Variants in COLGALT2 observed in about 807,000 individuals in gnomAD.
The protein encoded by COLGALT2 is procollagen galactosyltransferase 2.
Under a neutral mutation model 73.4 loss-of-function variants are expected in COLGALT2, and 49 were observed. That is an observed-to-expected ratio of 0.67 (90% CI 0.53 to 0.85). The LOEUF (loss-of-function observed/expected upper bound fraction) is 0.85, where lower values mean the gene tolerates loss of function less well. COLGALT2 is among the 40% of genes least tolerant of loss of function. The pLI, the probability that COLGALT2 is intolerant of heterozygous loss-of-function variation, is 0.00. For synonymous variants in COLGALT2, 295 were observed against 307.6 expected, an observed-to-expected ratio of 0.96 and a Z score of 0.43; for missense variants, 722 against 790.2, an observed-to-expected ratio of 0.91 and a Z score of 1.03.
At chr1:183,976,237 T>C (rs1428706696) in intron 2 of COLGALT2, among the ~76,000 whole-genome samples, 1 of 152,030 alleles carries the variant, frequency 6.6e-6, no homozygotes, top group African/African-American at 2.4e-5. Context: ...CCAAACTCCA[T>C]TATAAGGCAC....
At chr1:183,972,420 T>C (rs7530464) in intron 4 of COLGALT2, among the ~76,000 whole-genome samples, 73,325 of 152,050 alleles carry the variant, frequency 0.48, 21,122 homozygotes, top group African/African-American at 0.8. Context: ...CATATTTTGC[T>C]TAGCACATTT....
intron 1 of COLGALT2, among the ~76,000 whole-genome samples, chr1:183,980,062 C>T (rs141203426): frequency 1.7e-4 from 26 of 151,824 alleles, no homozygotes; most frequent in African/African-American, 6.3e-4. Flanking sequence ...TTCAGAACTT[C>T]CAAAAATTAA....
chr1:183,951,784 C>A (rs1400789415), intron 7 of COLGALT2, among the ~76,000 whole-genome samples: 2 of 152,122 alleles, frequency 1.3e-5, no homozygotes, highest in African/African-American at 2.4e-5. Flanking sequence ...ATGTGATAAA[C>A]AGATTCAGTG....
intron 1 of COLGALT2, among the ~76,000 whole-genome samples, chr1:183,980,414 A>C (rs1671317987): frequency 6.6e-6 from 1 of 152,100 alleles, no homozygotes; most frequent in South Asian, 2.1e-4. Flanking sequence ...TTGAAAGAAA[A>C]ATTTTAAAAA....
chr1:183,976,095 C>A (rs926003165), intron 2 of COLGALT2, among the ~76,000 whole-genome samples: 9 of 152,050 alleles, frequency 5.9e-5, no homozygotes, highest in South Asian at 2.1e-4. Flanking sequence ...ATATTCCCCC[C>A]AAAAATGCCT....
rs1572625740 is a variant in COLGALT2, at chr1:183,939,053, T to C, written c.1605-16A>G. 1 of 1,599,758 alleles carries C rather than the reference T, an allele frequency of 6.3e-7. No individual in the cohort carries two copies. The highest frequency in any genetic ancestry group is 8.6e-7 in the Non-Finnish European group (1 of 1,168,302). Reference sequence around the variant, plus strand: ...GTACTCGGCTCTGAAAACAAGAAGGTGGCCGGACACATGAGGGGGCGGAAA... The same window carrying C: ...GTACTCGGCTCTGAAAACAAGAAGGCGGCCGGACACATGAGGGGGCGGAAA... On this transcript the variant is annotated splice_polypyrimidine_tract_variant and intron_variant, in intron 11 of 11. Coordinates refer to ENST00000361927, the MANE Select transcript of COLGALT2 (RefSeq NM_015101.4).
chr1:184,029,940 C>A (rs929890057), intron 1 of COLGALT2, among the ~76,000 whole-genome samples: 2 of 152,104 alleles, frequency 1.3e-5, no homozygotes, highest in Non-Finnish European at 2.9e-5. Context: ...ATGTAAAACA[C>A]TCATATTTGG....
Position 184,028,353 on chromosome 1 carries a change from G to A in COLGALT2, c.263+8742C>T, listed in dbSNP as rs547911072. Among the ~76,000 whole-genome samples the A allele has an allele frequency of 9.9e-5, 15 of 152,280 alleles. No individual in the cohort carries two copies. The South Asian group carries it at 2.9e-3, about 29-fold the overall frequency. On this transcript the variant is annotated intron_variant, in intron 1 of 11. Coordinates refer to ENST00000361927, the MANE Select transcript of COLGALT2 (RefSeq NM_015101.4). ...GAACACCAATCAATGTACCTCCACA[G>A]ACTCTCCTGTCTTAGAGTTATGTCT... is the stretch of plus-strand genomic sequence containing the variant.
chr1:183,997,127 A>T (rs941683097), intron 1 of COLGALT2, among the ~76,000 whole-genome samples: 5 of 152,208 alleles, frequency 3.3e-5, no homozygotes, highest in African/African-American at 1.2e-4. Context: ...AATTTCAAGT[A>T]AATCAATTTA....
At chr1:184,030,549 A>G (rs982622560) in intron 1 of COLGALT2, among the ~76,000 whole-genome samples, 1 of 152,230 alleles carries the variant, frequency 6.6e-6, no homozygotes, top group East Asian at 1.9e-4. Flanking sequence ...CCACACAGCA[A>G]TATGACCCAA....
intron 1 of COLGALT2, among the ~76,000 whole-genome samples, chr1:184,021,329 T>A (rs1649175748): frequency 6.6e-6 from 1 of 152,186 alleles, no homozygotes; most frequent in South Asian, 2.1e-4. Context: ...TCCCCCAAAG[T>A]TCATGTGTTG....
intron 1 of COLGALT2, among the ~76,000 whole-genome samples, chr1:184,027,250 T>C (rs1219652602): frequency 6.6e-6 from 1 of 152,218 alleles, no homozygotes; most frequent in Non-Finnish European, 1.5e-5. Context: ...TTCCAGAGTA[T>C]GCCAACTTTC....
chr1:183,962,730 C>G (rs1670748680), intron 6 of COLGALT2, among the ~76,000 whole-genome samples: 1 of 152,212 alleles, frequency 6.6e-6, no homozygotes, highest in Admixed American at 6.5e-5. Context: ...GGTCTCTTCA[C>G]CCCTGGCCTG....
At chr1:183,982,483 A>G (rs1044030884) in intron 1 of COLGALT2, among the ~76,000 whole-genome samples, 4 of 152,206 alleles carry the variant, frequency 2.6e-5, no homozygotes, top group Admixed American at 6.5e-5. Context: ...CAATTCCTGA[A>G]ACTCAGAATT....
At chr1:184,036,972 C>T in intron 1 of COLGALT2, 123 bp downstream of exon 1, 1 of 854,458 alleles carries the variant, frequency 1.2e-6, no homozygotes, top group Non-Finnish European at 1.5e-6. Flanking sequence ...GCCAGATTTT[C>T]CGCGTGCCCC....
rs1292377761 is a variant in COLGALT2, at chr1:183,936,363, C to T, written c.*2398G>A. On this transcript the variant is annotated 3_prime_UTR_variant, in exon 12 of 12. Transcript: ENST00000361927. ...CAGTGTTCACCAGAAAAGAACACTG[C>T]TTGGGATTCTAGACCTGAGCAGGGA... 3 of 985,746 alleles carry T rather than the reference C, an allele frequency of 3.0e-6. No individual in the cohort carries two copies. Among genetic ancestry groups the T allele is most frequent in the South Asian group, 4.7e-5 (1 of 21,282 alleles). The allele number at this position is 985,746 out of a possible 1,614,324, so 61.1% of individuals were successfully genotyped here.
chr1:183,969,581 C>T (rs905755228), intron 4 of COLGALT2, 108 bp from the exon 5 acceptor site: 1 of 971,362 alleles, frequency 1.0e-6, no homozygotes, highest in African/African-American at 1.7e-5. Flanking sequence ...TATATACAAG[C>T]TCCCAAACAA....
chr1:184,000,732 G>A (rs891051675), intron 1 of COLGALT2, among the ~76,000 whole-genome samples: 5 of 150,524 alleles, frequency 3.3e-5, no homozygotes, highest in Non-Finnish European at 7.4e-5. Flanking sequence ...CTCAATTTTT[G>A]TTTATCTGAA....
Position 184,037,312 on chromosome 1 carries a change from G to A in COLGALT2, c.46C>T (p.Leu16Phe). 2 of 1,518,698 alleles carry A rather than the reference G, an allele frequency of 1.3e-6. No homozygotes were observed. Among genetic ancestry groups the A allele is most frequent in the African/African-American group, 1.4e-5 (1 of 70,430 alleles). 94.1% of individuals were successfully genotyped at this position (1,518,698 alleles called of 1,614,324 possible). ...CCTTCGCGGAGCAGGGCTGAGGAGAGGAGCAGTAGCGACCAGGCGAGGGTG... is the reference window on the plus strand; with the variant it reads ...CCTTCGCGGAGCAGGGCTGAGGAGAAGAGCAGTAGCGACCAGGCGAGGGTG... ...AATLAWSLLL[L>F]SSALLREGCR... The change falls in exon 1 of 12, where the codon CTC (leucine) becomes TTC (phenylalanine). Residue 16 changes from leucine to phenylalanine, a missense_variant. Physicochemically the swap from Leu to Phe is conservative, Grantham distance 22 (BLOSUM62 0). Transcript: ENST00000361927.
Sources: gnomAD v4.1 joint callset for allele counts (sites outside exome capture counted in the v4.1 genomes callset) on GRCh38, gnomAD v4.1.1 for gene constraint, MANE v1.5 for transcripts, NCBI Gene and HGNC (gene_info 2026-07-23, HGNC 2026-07-21) for gene names.